The following SPATA6 variants were observed in gnomAD, a reference collection of about 807,000 sequenced individuals.
SPATA6 encodes spermatogenesis associated 6, also known as spermatogenesis-associated protein 6.
Under a neutral mutation model 65.3 loss-of-function variants are expected in SPATA6, and 56 were observed. That is an observed-to-expected ratio of 0.86 (90% CI 0.69 to 1.07). SPATA6 has a LOEUF of 1.07. Ranked by LOEUF, SPATA6 falls within the 50% of genes least tolerant of loss-of-function variation. The probability of loss-of-function intolerance (pLI) is 0.00; values close to 1 mark genes in which losing one functional copy is unlikely to be tolerated. For synonymous variants in SPATA6, 199 were observed against 213.2 expected, an observed-to-expected ratio of 0.93 and a Z score of 0.58; for missense variants, 590 against 594.8, an observed-to-expected ratio of 0.99 and a Z score of 0.08.
chr1:48,357,930 G>T (rs1243703939), intron 10 of SPATA6, among the ~76,000 whole-genome samples: 1 of 152,054 alleles, frequency 6.6e-6, no homozygotes, highest in Non-Finnish European at 1.5e-5. Context: ...AAACTAAATT[G>T]CCATTGTATT....
chr1:48,407,320 G>A (rs1651798600), intron 5 of SPATA6, among the ~76,000 whole-genome samples: 1 of 152,146 alleles, frequency 6.6e-6, no homozygotes, highest in Admixed American at 6.5e-5. Context: ...CCAAGAATAG[G>A]TGGAGAGTTT....
intron 9 of SPATA6, among the ~76,000 whole-genome samples, chr1:48,361,113 A>C (rs1646799943): frequency 6.6e-6 from 1 of 152,182 alleles, no homozygotes; most frequent in Admixed American, 6.6e-5. Context: ...TAATTACTAG[A>C]GTCTAAATGG....
At chr1:48,302,879 CA>C (rs1320889398) in intron 12 of SPATA6, among the ~76,000 whole-genome samples, 7 of 152,076 alleles carry the variant, frequency 4.6e-5, no homozygotes, top group Non-Finnish European at 7.4e-5. Context: ...GCTTGTTTGC[CA>C]AGTAGTATTA....
At chr1:48,281,095 T>G in the SPATA6 span, among the ~76,000 whole-genome samples, 1 of 152,164 alleles carries the variant, frequency 6.6e-6, no homozygotes, top group Non-Finnish European at 1.5e-5. Flanking sequence ...CATGATTATC[T>G]CAATAGATGC....
downstream of SPATA6, among the ~76,000 whole-genome samples, chr1:48,291,305 T>C (rs752003976): frequency 2.7e-4 from 41 of 152,272 alleles, no homozygotes; most frequent in Non-Finnish European, 4.4e-4. Context: ...CAGGAGATTA[T>C]GTCCCTTGTC....
intron 3 of SPATA6, among the ~76,000 whole-genome samples, chr1:48,428,217 G>T (rs1557697617): frequency 6.6e-6 from 1 of 152,174 alleles, no homozygotes; most frequent in Non-Finnish European, 1.5e-5. Flanking sequence ...CACTTTGGGA[G>T]ACTGAGCCAG....
At chr1:48,278,887 A>G in the SPATA6 span, among the ~76,000 whole-genome samples, 12 of 152,216 alleles carry the variant, frequency 7.9e-5, no homozygotes, top group African/African-American at 2.7e-4. Flanking sequence ...TGTCAGATTC[A>G]CCAAAGTTTA....
the SPATA6 span, among the ~76,000 whole-genome samples, chr1:48,282,927 C>T: frequency 6.6e-6 from 1 of 152,028 alleles, no homozygotes; most frequent in Non-Finnish European, 1.5e-5. Context: ...AGACTTTGAA[C>T]CAATCCAAAT....
At chr1:48,407,743 T>C (rs1369097640) in intron 5 of SPATA6, among the ~76,000 whole-genome samples, 1 of 152,194 alleles carries the variant, frequency 6.6e-6, no homozygotes, top group Non-Finnish European at 1.5e-5. Context: ...TCTAGTTTTA[T>C]AAGAACTCTC....
chr1:48,273,672 C>T, the SPATA6 span, among the ~76,000 whole-genome samples: 1 of 152,184 alleles, frequency 6.6e-6, no homozygotes, highest in Non-Finnish European at 1.5e-5. Flanking sequence ...GACATGAACT[C>T]ATCCTTTTTT....
intron 10 of SPATA6, among the ~76,000 whole-genome samples, chr1:48,357,178 T>C: frequency 6.6e-6 from 1 of 152,134 alleles, no homozygotes; most frequent in Non-Finnish European, 1.5e-5. Context: ...ATCAGCTCCT[T>C]TTTCAGTAGA....
the SPATA6 span, among the ~76,000 whole-genome samples, chr1:48,290,032 T>C: frequency 6.6e-6 from 1 of 152,262 alleles, no homozygotes; most frequent in East Asian, 1.9e-4. Context: ...GAAGAGCGAC[T>C]ACAAGACACA....
chr1:48,445,172 A>T (rs1239642370), intron 3 of SPATA6, among the ~76,000 whole-genome samples: 1 of 152,222 alleles, frequency 6.6e-6, no homozygotes, highest in Non-Finnish European at 1.5e-5. Flanking sequence ...TTCCACTGAC[A>T]TACAGCCAAA....
intron 3 of SPATA6, among the ~76,000 whole-genome samples, chr1:48,422,868 A>C (rs1400949389): frequency 1.3e-5 from 2 of 152,150 alleles, no homozygotes; most frequent in Non-Finnish European, 2.9e-5. Flanking sequence ...TACCAAAAGA[A>C]CTAAGTATAT....
intron 9 of SPATA6, among the ~76,000 whole-genome samples, chr1:48,374,967 T>A (rs1647714883): frequency 6.6e-6 from 1 of 152,228 alleles, no homozygotes; most frequent in Non-Finnish European, 1.5e-5. Flanking sequence ...CAGCTTTGCA[T>A]ATCAACAGGT....
At chr1:48,469,162 G>T (rs1437221527) in intron 1 of SPATA6, among the ~76,000 whole-genome samples, 1 of 152,048 alleles carries the variant, frequency 6.6e-6, no homozygotes, top group Non-Finnish European at 1.5e-5. Flanking sequence ...GACACATGCT[G>T]AAGTACTTAC....
chr1:48,459,538 T>C (rs536597176), intron 1 of SPATA6, among the ~76,000 whole-genome samples: 7 of 152,194 alleles, frequency 4.6e-5, no homozygotes, highest in African/African-American at 1.4e-4. Context: ...TTTCAATAAC[T>C]AACAAAAATA....
the SPATA6 span, among the ~76,000 whole-genome samples, chr1:48,279,237 G>T: frequency 6.6e-6 from 1 of 152,182 alleles, no homozygotes; most frequent in Admixed American, 6.5e-5. Context: ...ATGCCAAATT[G>T]TAAAGACCAT....
chr1:48,428,769 G>GTA (rs1213453271), intron 3 of SPATA6, among the ~76,000 whole-genome samples: 41 of 127,984 alleles, frequency 3.2e-4, no homozygotes, highest in Admixed American at 4.2e-4. Flanking sequence ...CTGTATAGGT[G>GTA]TATATATGTG....
Sources: gnomAD v4.1 joint callset for allele counts (sites outside exome capture counted in the v4.1 genomes callset) on GRCh38, gnomAD v4.1.1 for gene constraint, MANE v1.5 for transcripts, NCBI Gene and HGNC (gene_info 2026-07-23, HGNC 2026-07-21) for gene names.